The following SNTG1 variants were observed in gnomAD, a reference collection of about 807,000 sequenced individuals.
The protein encoded by SNTG1 is gamma-1-syntrophin.
SNTG1 carries 39 observed loss-of-function variants against 74.7 expected under a neutral mutation model. The ratio of observed to expected loss-of-function variants is 0.52; its 90% CI spans 0.40 to 0.68. The LOEUF is 0.68. SNTG1 is among the 30% of genes least tolerant of loss of function. The pLI, the probability that SNTG1 is intolerant of heterozygous loss-of-function variation, is 0.00. For synonymous variants in SNTG1, 254 were observed against 217.1 expected (o/e 1.17, Z -1.49); for missense variants, 685 against 609.5 (o/e 1.12, Z -1.30).
At chr8:50,529,734 A>C (rs2094250933) in intron 9 of SNTG1, among the ~76,000 whole-genome samples, 1 of 152,068 alleles carries the variant, frequency 6.6e-6, no homozygotes, top group Admixed American at 6.6e-5. Flanking sequence ...TACCTACAAA[A>C]ACAGAACATG....
chr8:50,315,618 A>C (rs17770856), intron 2 of SNTG1, among the ~76,000 whole-genome samples: 7,531 of 149,942 alleles, frequency 0.05, 360 homozygotes, highest in Middle Eastern at 0.11. Context: ...AAAGCAGAAA[A>C]CCTGCAGTGT....
chr8:50,338,746 A>T lies in SNTG1; in HGVS notation c.-27-55466A>T, dbSNP rs140957037. Among the ~76,000 whole-genome samples, 25 of 152,238 alleles carry T rather than the reference A, an allele frequency of 1.6e-4. No individual in the cohort carries two copies. In the East Asian group the frequency reaches 3.9e-3, roughly 24 times the overall value. On this transcript the variant is annotated intron_variant, in intron 2 of 18. Coordinates refer to ENST00000642720, the MANE Select transcript of SNTG1 (RefSeq NM_018967.5). ...TCTAAACTAAAAATTAAAAATAAAG[A>T]CTGAAAAAGGAAACAGAACCGTATA...
chr8:50,078,822 C>G (rs1302276875), intron 1 of SNTG1, among the ~76,000 whole-genome samples: 1 of 152,182 alleles, frequency 6.6e-6, no homozygotes, highest in Non-Finnish European at 1.5e-5. Flanking sequence ...TTTTGGTTTT[C>G]TGTTCCTGTG....
intron 1 of SNTG1, among the ~76,000 whole-genome samples, chr8:50,118,046 C>T (rs2080882132): frequency 6.6e-6 from 1 of 152,126 alleles, no homozygotes; most frequent in African/African-American, 2.4e-5. Flanking sequence ...ACAGAAAGCA[C>T]CTACTTGCTT....
At chr8:50,402,189 G>GTT (rs762056974) in intron 3 of SNTG1, 21 bp from the exon 4 acceptor site, 99 of 1,183,798 alleles carry the variant, frequency 8.4e-5, no homozygotes, top group African/African-American at 8.4e-4. Flanking sequence ...TCCTCTGTTT[G>GTT]TTTTTTTTTT....
intron 17 of SNTG1, among the ~76,000 whole-genome samples, chr8:50,743,406 A>G (rs1415727219): frequency 6.6e-6 from 1 of 151,984 alleles, no homozygotes. Context: ...AAATAAAAAT[A>G]CAAGAATCTT....
intron 2 of SNTG1, among the ~76,000 whole-genome samples, chr8:50,343,938 G>T (rs2091394583): frequency 1.3e-5 from 2 of 149,926 alleles, no homozygotes. Context: ...GACAATTTAG[G>T]AATAAGATGG....
chr8:50,585,609 T>C (rs1331874762), intron 12 of SNTG1, among the ~76,000 whole-genome samples: 3 of 152,182 alleles, frequency 2.0e-5, no homozygotes, highest in Non-Finnish European at 4.4e-5. Context: ...TTTTCATTAT[T>C]TGGAAATAGT....
At chr8:50,045,793 G>C (rs1819034629) in intron 1 of SNTG1, among the ~76,000 whole-genome samples, 1 of 152,142 alleles carries the variant, frequency 6.6e-6, no homozygotes, top group Non-Finnish European at 1.5e-5. Flanking sequence ...TAGGATAAAA[G>C]AGACACAAAG....
At chr8:50,400,688 C>T (rs1359643962) in intron 3 of SNTG1, among the ~76,000 whole-genome samples, 1 of 152,150 alleles carries the variant, frequency 6.6e-6, no homozygotes, top group Non-Finnish European at 1.5e-5. Flanking sequence ...TTGTTAGTCA[C>T]CATTCTAACT....
chr8:50,291,243 T>A (rs1449643074), intron 2 of SNTG1, among the ~76,000 whole-genome samples: 1 of 10,610 alleles, frequency 9.4e-5, no homozygotes, highest in Non-Finnish European at 2.7e-4. Context: ...GACAGACATA[T>A]GTGTGTGTGT....
intron 2 of SNTG1, among the ~76,000 whole-genome samples, chr8:50,273,504 C>T (rs1421301326): frequency 6.6e-6 from 1 of 152,076 alleles, no homozygotes; most frequent in African/African-American, 2.4e-5. Flanking sequence ...ATGATAACTG[C>T]AATAGTAAGA....
chr8:50,647,714 T>C (rs957507667), intron 13 of SNTG1, among the ~76,000 whole-genome samples: 5 of 152,166 alleles, frequency 3.3e-5, no homozygotes, highest in Non-Finnish European at 5.9e-5. Flanking sequence ...ATATGGGGCA[T>C]GTTTTGTGAT....
intron 8 of SNTG1, among the ~76,000 whole-genome samples, chr8:50,451,389 C>G (rs980485625): frequency 6.6e-6 from 1 of 151,978 alleles, no homozygotes; most frequent in Non-Finnish European, 1.5e-5. Flanking sequence ...TGGAACCAGT[C>G]CCCCACAGAC....
At chr8:50,748,651 C>A (rs761389169) in intron 17 of SNTG1, among the ~76,000 whole-genome samples, 1 of 151,890 alleles carries the variant, frequency 6.6e-6, no homozygotes, top group African/African-American at 2.4e-5. Context: ...CAACAGCGTG[C>A]GCTTACTTTG....
intron 1 of SNTG1, among the ~76,000 whole-genome samples, chr8:50,010,395 T>C (rs973298343): frequency 6.6e-6 from 1 of 152,146 alleles, no homozygotes; most frequent in African/African-American, 2.4e-5. Context: ...TCTTTGACAA[T>C]TTAATAATTT....
chr8:50,097,820 A>T (rs2079986471), intron 1 of SNTG1, among the ~76,000 whole-genome samples: 1 of 152,236 alleles, frequency 6.6e-6, no homozygotes, highest in Non-Finnish European at 1.5e-5. Context: ...GCAGTACCAG[A>T]TACAAAAGAA....
intron 1 of SNTG1, among the ~76,000 whole-genome samples, chr8:49,928,678 T>C (rs1414945051): frequency 6.6e-6 from 1 of 152,144 alleles, no homozygotes; most frequent in Non-Finnish European, 1.5e-5. Flanking sequence ...TAAAACTGCT[T>C]TAAAAAATAG....
intron 13 of SNTG1, among the ~76,000 whole-genome samples, chr8:50,601,152 C>CAAAAAAAAAAAAAAAAAAAAAAAA (rs71235311): frequency 3.2e-5 from 1 of 31,438 alleles, no homozygotes; most frequent in African/African-American, 2.0e-4. Context: ...GCCAGCGAGA[C>CAAAAAAAAAAAAAAAAAAAAAAAA]AAAAAAAAAA....
Sources: allele counts gnomAD v4.1 joint callset (sites outside exome capture counted in the v4.1 genomes callset), GRCh38; gene constraint gnomAD v4.1.1; transcripts MANE v1.5; gene names NCBI Gene and HGNC (gene_info 2026-07-23, HGNC 2026-07-21).